Variants in CDK14 observed in about 807,000 individuals in gnomAD.
CDK14 encodes cyclin-dependent kinase 14.
CDK14 carries 34 observed loss-of-function variants against 60.7 expected under a neutral mutation model. The observed-to-expected ratio is 0.56, with a 90% CI of 0.43 to 0.75. CDK14 has a LOEUF of 0.75. Among genes scored for constraint, CDK14 ranks in the 30% least tolerant of loss-of-function variants. The pLI is 0.00. For synonymous variants in CDK14, 197 were observed against 203.7 expected (o/e 0.97, Z 0.28); for missense variants, 482 against 564.1 (o/e 0.85, Z 1.47).
chr7:90,869,217 T>G (rs1419401592), intron 6 of CDK14, among the ~76,000 whole-genome samples: 1 of 152,352 alleles, frequency 6.6e-6, no homozygotes, highest in East Asian at 1.9e-4. Context: ...TCCTCTGAGA[T>G]AGATGTATGT....
At chr7:90,672,536 TAA>T (rs1563039677) in intron 2 of CDK14, among the ~76,000 whole-genome samples, 347 of 101,340 alleles carry the variant, frequency 3.4e-3, no homozygotes, top group Middle Eastern at 6.6e-3. Flanking sequence ...TTTTTTTTTT[TAA>T]TAATTTGGTC....
chr7:91,176,587 G>A (rs1375029306), intron 14 of CDK14, among the ~76,000 whole-genome samples: 4 of 152,126 alleles, frequency 2.6e-5, no homozygotes, highest in Admixed American at 2.0e-4. Flanking sequence ...AAAAAAGAGA[G>A]AAGAATCAAA....
intron 5 of CDK14, among the ~76,000 whole-genome samples, chr7:90,810,321 C>G (rs553630417): frequency 6.6e-6 from 1 of 152,068 alleles, no homozygotes; most frequent in East Asian, 1.9e-4. Context: ...TCAACATATG[C>G]AAATCAAAAA....
chr7:90,957,348 C>T (rs1794458473), intron 9 of CDK14, among the ~76,000 whole-genome samples: 1 of 152,034 alleles, frequency 6.6e-6, no homozygotes, highest in South Asian at 2.1e-4. Flanking sequence ...GAAGTTCTGG[C>T]CAGGGCAATT....
chr7:90,846,570 AC>A (rs1790476797), intron 5 of CDK14, among the ~76,000 whole-genome samples: 1 of 152,128 alleles, frequency 6.6e-6, no homozygotes, highest in Non-Finnish European at 1.5e-5. Context: ...AATGGGAAAA[AC>A]ATATCTATTT....
chr7:91,172,792 C>A (rs1656456464), intron 14 of CDK14, among the ~76,000 whole-genome samples: 1 of 152,120 alleles, frequency 6.6e-6, no homozygotes, highest in African/African-American at 2.4e-5. Context: ...CTTTTTTTCA[C>A]TTCTCCAGGA....
At chr7:90,606,722 G>A (rs1396873729) in intron 2 of CDK14, among the ~76,000 whole-genome samples, 1 of 152,184 alleles carries the variant, frequency 6.6e-6, no homozygotes, top group Admixed American at 6.5e-5. Flanking sequence ...TTTAATCCCT[G>A]AGTGTGTTGC....
chr7:91,174,154 C>T (rs1439291389), intron 14 of CDK14, among the ~76,000 whole-genome samples: 47 of 152,114 alleles, frequency 3.1e-4, no homozygotes, highest in African/African-American at 1.0e-3. Flanking sequence ...TGACCCCTGA[C>T]CCCTGAGCAG....
chr7:90,646,289 A>C (rs570877929), intron 2 of CDK14, among the ~76,000 whole-genome samples: 1 of 139,118 alleles, frequency 7.2e-6, no homozygotes, highest in African/African-American at 2.7e-5. Context: ...GCATACTGAC[A>C]GTATGAAGGA....
chr7:90,950,882 A>G (rs1794237137), intron 8 of CDK14, among the ~76,000 whole-genome samples: 2 of 152,190 alleles, frequency 1.3e-5, no homozygotes, highest in East Asian at 3.8e-4. Flanking sequence ...AAAGGCTAGA[A>G]CACCATAAGA....
chr7:90,637,235 A>G (rs1394857635), intron 2 of CDK14, among the ~76,000 whole-genome samples: 2 of 150,480 alleles, frequency 1.3e-5, no homozygotes, highest in African/African-American at 4.9e-5. Context: ...TTAGGGTGTC[A>G]ATTTTGGATC....
intron 1 of CDK14, among the ~76,000 whole-genome samples, chr7:90,598,985 A>T (rs11769455): frequency 0.46 from 70,228 of 151,710 alleles, 16,632 homozygotes; most frequent in Non-Finnish European, 0.51. Context: ...ATTACAGGCG[A>T]GAGCCACCGC....
At chr7:90,840,789 A>G in intron 5 of CDK14, among the ~76,000 whole-genome samples, 1 of 152,184 alleles carries the variant, frequency 6.6e-6, no homozygotes, top group East Asian at 1.9e-4. Context: ...ATAGAAGGTG[A>G]TACAGACTGC....
chr7:91,162,075 C>A (rs1387032555), intron 14 of CDK14, among the ~76,000 whole-genome samples: 1 of 152,114 alleles, frequency 6.6e-6, no homozygotes, highest in Admixed American at 6.5e-5. Flanking sequence ...TTTTTAAAAA[C>A]TAAGAAAGAG....
chr7:90,637,594 C>A (rs936982242), intron 2 of CDK14, among the ~76,000 whole-genome samples: 1 of 151,560 alleles, frequency 6.6e-6, no homozygotes, highest in Non-Finnish European at 1.5e-5. Context: ...TGTGGTGCTG[C>A]AAAAAATGTA....
intron 8 of CDK14, among the ~76,000 whole-genome samples, chr7:90,927,654 T>C (rs1793458475): frequency 6.6e-6 from 1 of 152,152 alleles, no homozygotes; most frequent in Non-Finnish European, 1.5e-5. Flanking sequence ...GCCACATGCC[T>C]GAGTTTGAAT....
intron 11 of CDK14, among the ~76,000 whole-genome samples, chr7:91,054,696 C>T (rs1369934025): frequency 6.6e-6 from 1 of 152,060 alleles, no homozygotes; most frequent in Non-Finnish European, 1.5e-5. Flanking sequence ...TTACTAGGTG[C>T]CAGGCAGTAT....
Position 91,090,172 on chromosome 7 carries a change from C to G in CDK14, c.1154+10692C>G, listed in dbSNP as rs3824051. Among the ~76,000 whole-genome samples the G allele has an allele frequency of 4.5e-3, 680 of 152,302 alleles. 20 individuals carry two copies. In the East Asian group the frequency reaches 0.061, roughly 14 times the overall value. ...CACTTCTTTGGGGTGAGTCCCTGAT[C>G]AGGACCCCTTCTCTGTTGCCACATT... On this transcript the variant is annotated intron_variant, in intron 12 of 14. Transcript: ENST00000380050.
chr7:90,872,672 C>G (rs1169072534), intron 6 of CDK14, among the ~76,000 whole-genome samples: 1 of 146,168 alleles, frequency 6.8e-6, no homozygotes, highest in Non-Finnish European at 1.5e-5. Context: ...TTCCTGTTTA[C>G]ATCATATCTA....
Sources: allele counts gnomAD v4.1 joint callset (sites outside exome capture counted in the v4.1 genomes callset), GRCh38; gene constraint gnomAD v4.1.1; transcripts MANE v1.5; gene names NCBI Gene and HGNC (gene_info 2026-07-23, HGNC 2026-07-21).